The following SLIT2 variants were observed in gnomAD, a reference collection of about 807,000 sequenced individuals.
The protein encoded by SLIT2 is slit homolog 2 protein.
Under a neutral mutation model 185.7 loss-of-function variants are expected in SLIT2, and 41 were observed. That is an observed-to-expected ratio of 0.22 (90% CI 0.17 to 0.29). The LOEUF (loss-of-function observed/expected upper bound fraction) is 0.29, where lower values mean the gene tolerates loss of function less well. SLIT2 is among the 10% of genes least tolerant of loss of function. The pLI, the probability that SLIT2 is intolerant of heterozygous loss-of-function variation, is 1.00. For missense variants in SLIT2, 1,571 were observed against 1,909.0 expected (o/e 0.82, Z 3.30); for synonymous variants, 693 against 680.2 (o/e 1.02, Z -0.29).
intron 21 of SLIT2, among the ~76,000 whole-genome samples, chr4:20,543,064 G>A (rs953800363): frequency 1.3e-5 from 2 of 151,820 alleles, no homozygotes; most frequent in Non-Finnish European, 2.9e-5. Flanking sequence ...AGGATATTCT[G>A]TACAGGAAAC....
rs145304521 is a variant in SLIT2, at chr4:20,441,578, C to T, written c.396-26174C>T. 2.7e-3 allele frequency among the ~76,000 whole-genome samples: 395 copies of T among 148,688 alleles called. 7 individuals are homozygous for T. Among genetic ancestry groups the T allele is most frequent in the Admixed American group, 0.022 (326 of 14,798 alleles). On this transcript the variant is annotated intron_variant, in intron 4 of 36. Transcript: ENST00000504154. Reference sequence around the variant, plus strand: ...CTACCCAGCCATCCCAGATCCAACCCGCACTTGCAAAAATACATACATACA... The same window carrying T: ...CTACCCAGCCATCCCAGATCCAACCTGCACTTGCAAAAATACATACATACA...
At chr4:20,361,110 C>T (rs554066919) in intron 4 of SLIT2, among the ~76,000 whole-genome samples, 1 of 151,662 alleles carries the variant, frequency 6.6e-6, no homozygotes, top group Admixed American at 6.7e-5. Flanking sequence ...TTTTAAAAAC[C>T]TTAGTAGAAT....
At chr4:20,256,628 C>T in intron 1 of SLIT2, 44 bp from the exon 2 acceptor site, 1 of 988,032 alleles carries the variant, frequency 1.0e-6, no homozygotes, top group South Asian at 1.4e-5. Context: ...AGCAGGTAAA[C>T]ATAGAAATAA....
Position 20,539,604 on chromosome 4 carries a change from CT to C in SLIT2, c.1976+22del. 6.5e-7 allele frequency: 1 copy of C among 1,541,432 alleles called. No individual in the cohort carries two copies. On this transcript the variant is annotated intron_variant, in intron 19 of 36. Transcript: ENST00000504154. ...TACTCTGTAAGTATGAAAAATAGCC[CT>C]TATGTATTACTTGAGCCATTTATTA...
At chr4:20,432,103 A>C (rs1729040417) in intron 4 of SLIT2, among the ~76,000 whole-genome samples, 1 of 151,916 alleles carries the variant, frequency 6.6e-6, no homozygotes, top group Non-Finnish European at 1.5e-5. Flanking sequence ...ACAGGAGAGA[A>C]ATTTTTCTGT....
At chr4:20,584,775 A>G (rs1032798693) in intron 29 of SLIT2, among the ~76,000 whole-genome samples, 1 of 152,144 alleles carries the variant, frequency 6.6e-6, no homozygotes, top group Non-Finnish European at 1.5e-5. Flanking sequence ...GTGATCTAAG[A>G]AACAGATAAA....
chr4:20,404,123 A>G (rs1726577120), intron 4 of SLIT2, among the ~76,000 whole-genome samples: 1 of 151,990 alleles, frequency 6.6e-6, no homozygotes, highest in African/African-American at 2.4e-5. Context: ...TTCTTAGTCA[A>G]CAACAGAGAA....
intron 4 of SLIT2, among the ~76,000 whole-genome samples, chr4:20,428,188 G>T (rs543738790): frequency 5.2e-4 from 79 of 152,306 alleles, no homozygotes; most frequent in Middle Eastern, 3.4e-3. Flanking sequence ...AGTCCATATT[G>T]TAAATGTAAC....
chr4:20,519,007 A>G (rs1720572444), intron 11 of SLIT2, among the ~76,000 whole-genome samples: 1 of 152,158 alleles, frequency 6.6e-6, no homozygotes. Context: ...ATACTCTTCT[A>G]TACTTGATTC....
In SLIT2 at chr4:20,519,363, T is replaced by C; in HGVS notation, c.1059-19T>C. ...CAGGTTTGGTGTCTAATTTTTTTCA[T>C]TTAAAATATTTTTTTCAGTGTCCTC... On this transcript the variant is annotated intron_variant, in intron 11 of 36. Coordinates refer to ENST00000504154, the MANE Select transcript of SLIT2 (RefSeq NM_004787.4). 1 of 1,346,592 alleles carries C rather than the reference T, an allele frequency of 7.4e-7. No individual in the cohort carries two copies. Among genetic ancestry groups the C allele is most frequent in the East Asian group, 2.3e-5 (1 of 43,466 alleles). The allele number at this position is 1,346,592 out of a possible 1,614,324, so 83.4% of individuals were successfully genotyped here.
chr4:20,487,353 C>A (rs1231226079), intron 7 of SLIT2, among the ~76,000 whole-genome samples: 2 of 152,068 alleles, frequency 1.3e-5, no homozygotes, highest in Non-Finnish European at 2.9e-5. Flanking sequence ...TATAATTTCC[C>A]AGTAACTTCA....
intron 4 of SLIT2, among the ~76,000 whole-genome samples, chr4:20,388,875 AAT>A (rs202025147): frequency 0.073 from 10,696 of 145,792 alleles, 500 homozygotes; most frequent in Non-Finnish European, 0.11. Context: ...TATAATATAT[AAT>A]ATATATAAAA....
At chr4:20,282,532 A>G (rs1025331250) in intron 4 of SLIT2, among the ~76,000 whole-genome samples, 1 of 152,154 alleles carries the variant, frequency 6.6e-6, no homozygotes, top group East Asian at 1.9e-4. Context: ...CTAATTTTAT[A>G]TTATATTTCA....
chr4:20,480,208 A>G lies in SLIT2; in HGVS notation c.468-508A>G, dbSNP rs752841922. On this transcript the variant is annotated intron_variant, in intron 5 of 36. Coordinates refer to ENST00000504154, the MANE Select transcript of SLIT2 (RefSeq NM_004787.4). ...ACATCAGTTCCCTTTCTCGATTTGGAGTCCTTGAAGGAAAACTGCTTTTAA... is the reference window on the plus strand; with the variant it reads ...ACATCAGTTCCCTTTCTCGATTTGGGGTCCTTGAAGGAAAACTGCTTTTAA... Among the ~76,000 whole-genome samples the G allele has an allele frequency of 5.9e-5, 9 of 152,172 alleles. 1 individual carries two copies. The highest frequency in any genetic ancestry group is 2.0e-4 in the Admixed American group (3 of 15,262).
chr4:20,519,291 A>G (rs2148841438), intron 11 of SLIT2, 91 bp from the exon 12 acceptor site: 1 of 702,192 alleles, frequency 1.4e-6, no homozygotes, highest in South Asian at 1.6e-5. Flanking sequence ...ATTGCCTACT[A>G]GCTTCCTGTA....
intron 4 of SLIT2, among the ~76,000 whole-genome samples, chr4:20,323,519 G>A (rs1024014578): frequency 3.9e-5 from 6 of 152,088 alleles, no homozygotes; most frequent in African/African-American, 1.4e-4. Context: ...ATGGATATCA[G>A]TCTAAATCTG....
At chr4:20,415,932 A>T (rs1727639227) in intron 4 of SLIT2, among the ~76,000 whole-genome samples, 3 of 152,182 alleles carry the variant, frequency 2.0e-5, no homozygotes, top group Non-Finnish European at 2.9e-5. Flanking sequence ...GATTTATTAA[A>T]TTCTTATCCT....
intron 7 of SLIT2, among the ~76,000 whole-genome samples, chr4:20,487,869 C>T (rs1391986804): frequency 6.6e-6 from 1 of 152,106 alleles, no homozygotes; most frequent in Non-Finnish European, 1.5e-5. Flanking sequence ...AATTATCTTT[C>T]TGGACTGAGT....
In SLIT2 at chr4:20,441,140, C is replaced by T. The variant is rs1025819194; in HGVS notation, c.396-26612C>T. Among the ~76,000 whole-genome samples the T allele has an allele frequency of 2.6e-5, 4 of 152,122 alleles. No individual in the cohort carries two copies. In the South Asian group the frequency reaches 6.2e-4, roughly 24 times the overall value. Reference sequence around the variant, plus strand: ...GCTTTTAATACTGACTTTAAATCCTCCCTCAACCAGGAACTCGTGAAAACA... The same window carrying T: ...GCTTTTAATACTGACTTTAAATCCTTCCTCAACCAGGAACTCGTGAAAACA... On this transcript the variant is annotated intron_variant, in intron 4 of 36. Transcript: ENST00000504154.
Sources: allele counts gnomAD v4.1 joint callset (sites outside exome capture counted in the v4.1 genomes callset), GRCh38; gene constraint gnomAD v4.1.1; transcripts MANE v1.5; gene names NCBI Gene and HGNC (gene_info 2026-07-23, HGNC 2026-07-21).